ABR: variants seen among roughly 807,000 people sequenced by gnomAD.
ABR encodes ABR activator of RhoGEF and GTPase.
Under a neutral mutation model 107.2 loss-of-function variants are expected in ABR, and 35 were observed. The ratio of observed to expected loss-of-function variants is 0.33; its 90% confidence interval spans 0.25 to 0.43. ABR has a LOEUF of 0.43. ABR is among the 20% of genes least tolerant of loss of function. The pLI is 1.00. For synonymous variants in ABR, 498 were observed against 462.0 expected (o/e 1.08, Z -1.00); for missense variants, 815 against 1,115.2 (o/e 0.73, Z 3.83).
chr17:1,201,048 G>C (rs932491266), intron 1 of ABR, among the ~76,000 whole-genome samples: 1 of 152,190 alleles, frequency 6.6e-6, no homozygotes, highest in Non-Finnish European at 1.5e-5. Flanking sequence ...CTTGTAAAGG[G>C]AAAGTTCTGT....
chr17:1,119,998 G>A (rs557327617), intron 2 of ABR, among the ~76,000 whole-genome samples: 56 of 152,282 alleles, frequency 3.7e-4, no homozygotes, highest in African/African-American at 1.1e-3. Context: ...GGGCTCAAGC[G>A]ATCCTCCTGC....
At chr17:1,058,705 A>C in intron 11 of ABR, 40 bp downstream of exon 11, 1 of 1,609,130 alleles carries the variant, frequency 6.2e-7, no homozygotes, top group South Asian at 1.1e-5. Context: ...CTCTGGACTA[A>C]GGAAGGGGCT....
At chr17:1,099,035 C>A (rs1483712752) in intron 3 of ABR, among the ~76,000 whole-genome samples, 5 of 152,006 alleles carry the variant, frequency 3.3e-5, no homozygotes, top group Non-Finnish European at 4.4e-5. Flanking sequence ...GATCCACCCA[C>A]CTCGGCCTCC....
intron 2 of ABR, among the ~76,000 whole-genome samples, chr17:1,116,760 G>A (rs1284668280): frequency 2.0e-5 from 3 of 152,214 alleles, no homozygotes; most frequent in Non-Finnish European, 4.4e-5. Flanking sequence ...ATGGCTGGAG[G>A]ACTTGGGTGG....
chr17:1,019,132 G>A (rs915295722), intron 16 of ABR, among the ~76,000 whole-genome samples: 1 of 152,158 alleles, frequency 6.6e-6, no homozygotes, highest in Non-Finnish European at 1.5e-5. Flanking sequence ...CAGCCCTCCC[G>A]CTGCCTCGTG....
In ABR at chr17:1,148,380, A is replaced by G. The variant is rs1029885618; in HGVS notation, c.62-23013T>C. Among the ~76,000 whole-genome samples the G allele has an allele frequency of 1.3e-5, 2 of 152,172 alleles. No homozygotes were observed. Among genetic ancestry groups the G allele is most frequent in the Non-Finnish European group, 2.9e-5 (2 of 68,036 alleles). On this transcript the variant is annotated intron_variant, in intron 1 of 22. Coordinates refer to ENST00000302538, the MANE Select transcript of ABR (RefSeq NM_021962.5). The surrounding 1 kb of genome is among the most constrained non-coding windows in gnomAD (Gnocchi z 4.9). ...GATTCCACTCGGATGAGGTGCTTAGAGCAGTTAGATTCATCAAGTCAGAAA... is the reference window on the plus strand; with the variant it reads ...GATTCCACTCGGATGAGGTGCTTAGGGCAGTTAGATTCATCAAGTCAGAAA...
At chr17:1,214,036 C>T (rs113467737) in intron 1 of ABR, among the ~76,000 whole-genome samples, 1,584 of 150,848 alleles carry the variant, frequency 0.011, 25 homozygotes, top group African/African-American at 0.036. Context: ...TACAGGCGCC[C>T]GCCACCACGC....
At chr17:1,067,303 C>T in intron 9 of ABR, 61 bp from the exon 10 acceptor site, 1 of 1,477,008 alleles carries the variant, frequency 6.8e-7, no homozygotes, top group Non-Finnish European at 9.0e-7. Context: ...AGCCTCAACT[C>T]TTGGGTCCAG....
rs1478729370 is a variant in ABR at position 1,076,095 on chromosome 17, T to A, written c.701-2418A>T. Among the ~76,000 whole-genome samples the A allele has an allele frequency of 2.6e-5, 4 of 152,186 alleles. 1 individual carries two copies. The South Asian group carries it at 8.3e-4, about 31-fold the overall frequency. ...CACTATGTTGCTGGTCTCGAACTCC[T>A]GGCCTCAAGCCAAATACAAGCTGGT... On this transcript the variant is annotated intron_variant, in intron 6 of 22. Coordinates refer to ENST00000302538, the MANE Select transcript of ABR (RefSeq NM_021962.5).
upstream of ABR, among the ~76,000 whole-genome samples, chr17:1,183,261 T>C (rs1168643119): frequency 6.6e-6 from 1 of 152,110 alleles, no homozygotes; most frequent in African/African-American, 2.4e-5. Flanking sequence ...AGGCCCCTTC[T>C]AAGCATTCCC....
chr17:1,203,994 G>C (rs181249480), intron 1 of ABR, among the ~76,000 whole-genome samples: 16 of 152,170 alleles, frequency 1.1e-4, no homozygotes, highest in African/African-American at 3.9e-4. Flanking sequence ...CCCTGGAGCC[G>C]AGGGGAGGGC....
chr17:1,090,122 G>A (rs1454291627), intron 4 of ABR, among the ~76,000 whole-genome samples: 1 of 152,184 alleles, frequency 6.6e-6, no homozygotes, highest in East Asian at 1.9e-4. Flanking sequence ...GACCAGGGGA[G>A]GCCAGACGAG....
intron 1 of ABR, among the ~76,000 whole-genome samples, chr17:1,146,241 A>G (rs2040515983): frequency 6.9e-6 from 1 of 144,120 alleles, no homozygotes; most frequent in South Asian, 2.3e-4. Context: ...GCTTGTTTCT[A>G]TCCACGCAGG....
At chr17:1,055,984 G>C in intron 14 of ABR, 51 bp downstream of exon 14, 1 of 1,545,186 alleles carries the variant, frequency 6.5e-7, no homozygotes, top group Non-Finnish European at 8.9e-7. Flanking sequence ...GGGCAGAGCA[G>C]TGCAGAATCC....
chr17:1,087,224 G>T (rs1236289544), intron 4 of ABR, among the ~76,000 whole-genome samples: 1 of 152,228 alleles, frequency 6.6e-6, no homozygotes, highest in Non-Finnish European at 1.5e-5. Context: ...GGTGCTGGGG[G>T]AAGTGGGCTG....
intron 4 of ABR, among the ~76,000 whole-genome samples, chr17:1,089,817 G>A (rs927495460): frequency 1.3e-5 from 2 of 152,196 alleles, no homozygotes; most frequent in East Asian, 3.9e-4. Flanking sequence ...AAAATTAGCC[G>A]GGTGTGATGG....
chr17:1,118,230 G>T (rs1274603689), intron 2 of ABR, among the ~76,000 whole-genome samples: 6 of 69,246 alleles, frequency 8.7e-5, no homozygotes, highest in South Asian at 4.9e-4. Flanking sequence ...TCTCCCCAGC[G>T]TTAACCCTGA....
chr17:1,031,853 C>CCTCCCTCCCTCCCTCCCCGCGCTCCT, intron 16 of ABR: 1 of 1,199,716 alleles, frequency 8.3e-7, no homozygotes, highest in South Asian at 4.4e-5. Context: ...CGCTCGCCTC[C>CCTCCCTCCCTCCCTCCCCGCGCTCCT]CTCCCTCCCT....
intron 2 of ABR, chr17:1,108,971 C>G (rs542012164): frequency 6.3e-7 from 1 of 1,597,610 alleles, no homozygotes; most frequent in East Asian, 2.4e-5. Context: ...TGAGCCGGGG[C>G]TGGTCGGGGT....
Sources: gnomAD v4.1 joint callset for allele counts (sites outside exome capture counted in the v4.1 genomes callset) on GRCh38, gnomAD v4.1.1 for gene constraint, Gnocchi (gnomAD v3.1) non-coding constraint, MANE v1.5 for transcripts, NCBI Gene and HGNC (gene_info 2026-07-23, HGNC 2026-07-21) for gene names.